The following ADGRV1 variants were observed in gnomAD, a reference collection of about 807,000 sequenced individuals.
ADGRV1 encodes the protein G-protein coupled receptor 98.
ADGRV1 carries 359 observed loss-of-function variants against 596.2 expected under a neutral mutation model. That is an observed-to-expected ratio of 0.60 (90% CI 0.55 to 0.66). ADGRV1 has a LOEUF of 0.66. Ranked by LOEUF, ADGRV1 falls within the 30% of genes least tolerant of loss-of-function variation. The probability of loss-of-function intolerance (pLI) is 0.00; values close to 1 mark genes in which losing one functional copy is unlikely to be tolerated. For missense variants in ADGRV1, 7,274 were observed against 7,575.6 expected, an observed-to-expected ratio of 0.96 and a Z score of 1.48; for synonymous variants, 2,681 against 2,679.2, an observed-to-expected ratio of 1.00 and a Z score of -0.02.
chr5:90,694,154 G>A lies in ADGRV1; in HGVS notation c.7398G>A (p.Met2466Ile). ...SASEGPQCFW[M>I]TSWISPAVNN... ...CTGAGGGTCCCCAGTGTTTCTGGAT[G>A]ACATCATGGATCAGCCCAGCTGTCA... The change falls in exon 33 of 90, where the codon ATG becomes ATA. Residue 2466 changes from methionine to isoleucine, a missense_variant. Physicochemically the swap from Met to Ile is conservative, Grantham distance 10. Coordinates refer to ENST00000405460, the MANE Select transcript of ADGRV1 (RefSeq NM_032119.4). 1 of 1,613,806 alleles carries A rather than the reference G, an allele frequency of 6.2e-7. No individual in the cohort carries two copies. The highest frequency in any genetic ancestry group is 8.5e-7 in the Non-Finnish European group (1 of 1,179,834).
At chr5:90,783,355 T>A in intron 66 of ADGRV1, 30 bp downstream of exon 66, 1 of 1,392,380 alleles carries the variant, frequency 7.2e-7, no homozygotes. Context: ...TGTGGGCACA[T>A]ATAAGACATA....
chr5:91,142,524 A>C (rs559381943), intron 87 of ADGRV1, among the ~76,000 whole-genome samples: 77 of 152,288 alleles, frequency 5.1e-4, no homozygotes, highest in African/African-American at 1.8e-3. Flanking sequence ...ACCTTGGAGA[A>C]CTTGTAAAAA....
At chr5:90,940,275 A>G (rs1776062448) in intron 83 of ADGRV1, among the ~76,000 whole-genome samples, 1 of 152,240 alleles carries the variant, frequency 6.6e-6, no homozygotes, top group Non-Finnish European at 1.5e-5. Context: ...ACAAGAGCAC[A>G]CTCAGTGTTC....
chr5:91,003,877 A>G (rs1782047034), intron 85 of ADGRV1, among the ~76,000 whole-genome samples: 2 of 152,300 alleles, frequency 1.3e-5, no homozygotes, highest in East Asian at 3.9e-4. Flanking sequence ...AGAAAGTAGG[A>G]AAGTATCATT....
chr5:90,713,152 G>A (rs1372911107), intron 42 of ADGRV1, among the ~76,000 whole-genome samples: 1 of 152,002 alleles, frequency 6.6e-6, no homozygotes, highest in Non-Finnish European at 1.5e-5. Context: ...TTTAGTCAGT[G>A]GCTGAGCTGG....
chr5:91,008,506 A>T (rs1285112875), intron 85 of ADGRV1, among the ~76,000 whole-genome samples: 1 of 151,620 alleles, frequency 6.6e-6, no homozygotes, highest in Non-Finnish European at 1.5e-5. Context: ...AATTTTATTT[A>T]TTTTTTTATT....
chr5:90,726,306 A>G (rs979633632), intron 48 of ADGRV1, among the ~76,000 whole-genome samples: 5 of 152,062 alleles, frequency 3.3e-5, no homozygotes, highest in African/African-American at 9.7e-5. Context: ...TATTCCCTCC[A>G]TCTCTGACAT....
intron 85 of ADGRV1, among the ~76,000 whole-genome samples, chr5:91,031,586 A>C (rs1581843452): frequency 6.6e-6 from 1 of 152,040 alleles, no homozygotes; most frequent in Non-Finnish European, 1.5e-5. Context: ...GTCACACCCC[A>C]CTCCTGAGAG....
At chr5:90,736,619 C>T (rs966818067) in intron 50 of ADGRV1, among the ~76,000 whole-genome samples, 7 of 151,904 alleles carry the variant, frequency 4.6e-5, no homozygotes, top group Non-Finnish European at 8.8e-5. Flanking sequence ...TGATATGAGT[C>T]GTTTTATGAC....
chr5:90,795,460 G>A (rs2150153149), intron 70 of ADGRV1, among the ~76,000 whole-genome samples: 1 of 152,292 alleles, frequency 6.6e-6, no homozygotes, highest in African/African-American at 2.4e-5. Flanking sequence ...TCTCCTCTCT[G>A]GGCAGGGCAT....
Position 90,745,090 on chromosome 5 carries a change from T to C in ADGRV1, c.10594T>C (p.Trp3532Arg), listed in dbSNP as rs1267857521. 1 of 1,613,840 alleles carries C rather than the reference T, an allele frequency of 6.2e-7. No homozygotes were observed. Among genetic ancestry groups the C allele is most frequent in the East Asian group, 2.2e-5 (1 of 44,848 alleles). Reference sequence around the variant, plus strand: ...CCAAGATATGTCTGCTCTTTACTGCTGGAATTCGGAGCGTAATCAATTCTC... The same window carrying C: ...CCAAGATATGTCTGCTCTTTACTGCCGGAATTCGGAGCGTAATCAATTCTC... ...IGQDMSALYC[W>R]NSERNQFSFV... Residue 3532 changes from tryptophan (W) to arginine (R), a missense_variant, in exon 51 of 90, where the codon TGG becomes CGG. Around this residue, in one of 5 missense-constraint regions of ADGRV1, gnomAD observed 3,643 missense variants for 3,809.2 expected, o/e 0.96. Coordinates refer to ENST00000405460, the MANE Select transcript of ADGRV1 (RefSeq NM_032119.4).
intron 84 of ADGRV1, among the ~76,000 whole-genome samples, chr5:90,978,822 T>C (rs562981721): frequency 4.9e-4 from 75 of 152,294 alleles, no homozygotes; most frequent in African/African-American, 1.7e-3. Flanking sequence ...AATTGTAAAA[T>C]TATTGTTAAA....
intron 83 of ADGRV1, among the ~76,000 whole-genome samples, chr5:90,935,120 A>T (rs1248290829): frequency 6.6e-6 from 1 of 152,182 alleles, no homozygotes; most frequent in Non-Finnish European, 1.5e-5. Flanking sequence ...GGCATTTATG[A>T]TGGTGCCAGT....
intron 1 of ADGRV1, among the ~76,000 whole-genome samples, chr5:90,596,187 C>T (rs1490233833): frequency 7.6e-5 from 10 of 131,706 alleles, no homozygotes; most frequent in African/African-American, 1.5e-4. Context: ...ACATCCCAGA[C>T]GATGGGCGGC....
rs367960663 is a variant in ADGRV1 at position 90,575,346 on chromosome 5, C to T, written c.22+16429C>T. 3.9e-5 allele frequency among the ~76,000 whole-genome samples: 6 copies of T among 152,102 alleles called. No individual in the cohort carries two copies. The South Asian group carries it at 6.2e-4, about 16-fold the overall frequency. On this transcript the variant is annotated intron_variant, in intron 1 of 89. Coordinates refer to ENST00000405460, the MANE Select transcript of ADGRV1 (RefSeq NM_032119.4). ...ACAGCTCACTGCAACCTTTGCCTCC[C>T]GGATTCAAGCAATTCTCATGACTCA...
chr5:90,928,701 AGGC>A (rs1162681135), intron 83 of ADGRV1, among the ~76,000 whole-genome samples: 1 of 150,234 alleles, frequency 6.7e-6, no homozygotes, highest in Non-Finnish European at 1.5e-5. Context: ...GGAGGAGGAG[AGGC>A]GCTCTGCTTT....
At chr5:91,155,415 G>T (rs1796397156) in intron 89 of ADGRV1, among the ~76,000 whole-genome samples, 1 of 152,142 alleles carries the variant, frequency 6.6e-6, no homozygotes, top group African/African-American at 2.4e-5. Flanking sequence ...GCAGCAGAAG[G>T]CAGGCCTGAC....
intron 1 of ADGRV1, among the ~76,000 whole-genome samples, chr5:90,579,078 T>G (rs1228548394): frequency 1.3e-5 from 2 of 152,220 alleles, no homozygotes; most frequent in African/African-American, 4.8e-5. Context: ...TTGATTTTTT[T>G]GAAGGGTGTT....
intron 83 of ADGRV1, among the ~76,000 whole-genome samples, chr5:90,910,553 ATCTATCTATCTATCTATCTATCTATCT>A: frequency 9.0e-5 from 1 of 11,144 alleles, no homozygotes; most frequent in African/African-American, 2.3e-4. Context: ...TATATATATT[ATCTATCTATCTATCTATCTATCTATCT>A]ATCTATCTAT....
Sources: allele counts gnomAD v4.1 joint callset (sites outside exome capture counted in the v4.1 genomes callset), GRCh38; gene constraint gnomAD v4.1.1; regional missense constraint gnomAD v4.1.1; transcripts MANE v1.5; gene names NCBI Gene and HGNC (gene_info 2026-07-23, HGNC 2026-07-21).